POFUT4: variants seen among roughly 807,000 people sequenced by gnomAD.
The protein encoded by POFUT4 is protein O-fucosyltransferase 4.
chr10:73,772,631 C>T, the POFUT4 span: 1 of 1,557,666 alleles, frequency 6.4e-7, no homozygotes, highest in Non-Finnish European at 8.7e-7. Context: ...CGAGTGTGCG[C>T]GCGGCGCGTG....
chr10:73,772,302 T>G, the POFUT4 span: 2 of 1,405,334 alleles, frequency 1.4e-6, no homozygotes, highest in Non-Finnish European at 1.9e-6. Flanking sequence ...GGGTCGGTGC[T>G]GGCCGAGGGG....
At chr10:73,772,327 A>G in the POFUT4 span, 2 of 1,440,836 alleles carry the variant, frequency 1.4e-6, no homozygotes, top group Non-Finnish European at 9.1e-7. Flanking sequence ...CGGCTGCCGG[A>G]GTGGACATGG....
the POFUT4 span, chr10:73,773,251 C>A: frequency 6.2e-6 from 10 of 1,613,540 alleles, 1 homozygote; most frequent in Admixed American, 1.7e-4. Flanking sequence ...CTACAGGACA[C>A]AGCCACGGCC....
the POFUT4 span, among the ~76,000 whole-genome samples, chr10:73,776,957 G>C: frequency 6.6e-6 from 1 of 152,210 alleles, no homozygotes; most frequent in African/African-American, 2.4e-5. Flanking sequence ...GGGATTACAG[G>C]TGTCAGCCAC....
At chr10:73,773,878 T>C in the POFUT4 span, 2 of 1,493,362 alleles carry the variant, frequency 1.3e-6, no homozygotes, top group Admixed American at 2.2e-5. Flanking sequence ...CTGTGGGCAA[T>C]TAAGTAGCAC....
the POFUT4 span, chr10:73,774,277 CAG>C: frequency 1.3e-5 from 2 of 154,084 alleles, no homozygotes; most frequent in Non-Finnish European, 2.9e-5. Flanking sequence ...CTGCAGTAGT[CAG>C]GGGTTACACC....
the POFUT4 span, chr10:73,775,944 AGGTGCT>A: frequency 2.1e-6 from 1 of 482,718 alleles, no homozygotes; most frequent in South Asian, 2.9e-5. Flanking sequence ...ATTTGATTCA[AGGTGCT>A]GGTCCAACAG....
chr10:73,772,702 CG>C, the POFUT4 span: 3 of 1,579,648 alleles, frequency 1.9e-6, no homozygotes, highest in Admixed American at 1.8e-5. Flanking sequence ...TGCTCTTCTA[CG>C]GCACAGACTT....
At chr10:73,773,513 TGAG>T in the POFUT4 span, 20 of 1,614,120 alleles carry the variant, frequency 1.2e-5, no homozygotes, top group East Asian at 4.5e-5. Context: ...ACAAGAATGA[TGAG>T]GAGTATATGA....
chr10:73,772,950 G>T, the POFUT4 span: 2 of 1,606,584 alleles, frequency 1.2e-6, no homozygotes, highest in Non-Finnish European at 1.7e-6. Flanking sequence ...TGGCGCCGCC[G>T]CGGCTACGCG....
the POFUT4 span, chr10:73,773,002 C>T: frequency 2.5e-6 from 4 of 1,590,930 alleles, no homozygotes; most frequent in African/African-American, 1.3e-5. Context: ...TGCCAGCGGA[C>T]CGGGACCGCT....
At chr10:73,773,998 T>C in the POFUT4 span, 1 of 615,206 alleles carries the variant, frequency 1.6e-6, no homozygotes, top group South Asian at 2.5e-5. Context: ...TGAATAGATG[T>C]AAAATATAAT....
the POFUT4 span, chr10:73,773,297 C>T: frequency 6.2e-7 from 1 of 1,614,186 alleles, no homozygotes; most frequent in Non-Finnish European, 8.5e-7. Flanking sequence ...CTTTCTTGTC[C>T]CGCTATAAGT....
At chr10:73,776,474 T>G in the POFUT4 span, among the ~76,000 whole-genome samples, 1 of 151,864 alleles carries the variant, frequency 6.6e-6, no homozygotes, top group South Asian at 2.1e-4. Flanking sequence ...AGGCGACTGC[T>G]TGAAGCCAGG....
chr10:73,773,009 C>G, the POFUT4 span: 2 of 1,584,066 alleles, frequency 1.3e-6, no homozygotes, highest in Non-Finnish European at 1.7e-6. Context: ...GGACCGGGAC[C>G]GCTACGTGCG....
chr10:73,779,700 C>T, the POFUT4 span: 1 of 152,182 alleles, frequency 6.6e-6, no homozygotes, highest in Non-Finnish European at 1.5e-5. Flanking sequence ...TACACAAGTA[C>T]AGACCTAGGT....
the POFUT4 span, chr10:73,772,606 A>G: frequency 1.9e-6 from 3 of 1,567,518 alleles, no homozygotes; most frequent in South Asian, 3.5e-5. Context: ...ACTTCCCGGG[A>G]GACTCGGAGC....
chr10:73,777,309 A>G, the POFUT4 span, among the ~76,000 whole-genome samples: 1 of 150,976 alleles, frequency 6.6e-6, no homozygotes, highest in East Asian at 1.9e-4. Flanking sequence ...GAGTAGGTTG[A>G]CAAAAAAAAA....
chr10:73,773,604 G>A, the POFUT4 span: 1 of 1,614,282 alleles, frequency 6.2e-7, no homozygotes, highest in South Asian at 1.1e-5. Flanking sequence ...GGAGTGGGGA[G>A]TGAATGATCC....
Sources: allele counts gnomAD v4.1 joint callset (sites outside exome capture counted in the v4.1 genomes callset), GRCh38; gene constraint gnomAD v4.1.1; transcripts MANE v1.5; gene names NCBI Gene and HGNC (gene_info 2026-07-23, HGNC 2026-07-21).